Variants in NTRK3 observed in about 807,000 individuals in gnomAD.
The protein encoded by NTRK3 is neurotrophic receptor tyrosine kinase 3, also known as NT-3 growth factor receptor.
NTRK3 carries 24 observed loss-of-function variants against 91.7 expected under a neutral mutation model. That is an observed-to-expected ratio of 0.26 (90% CI 0.19 to 0.37). The LOEUF (loss-of-function observed/expected upper bound fraction) is 0.37. Ranked by LOEUF, NTRK3 falls within the 10% of genes least tolerant of loss-of-function variation. The probability of loss-of-function intolerance (pLI) is 1.00; values close to 1 mark genes in which losing one functional copy is unlikely to be tolerated. For missense variants in NTRK3, 880 were observed against 1,068.9 expected, an observed-to-expected ratio of 0.82 and a Z score of 2.46; for synonymous variants, 483 against 404.0, an observed-to-expected ratio of 1.20 and a Z score of -2.34.
chr15:87,925,922 AG>A (rs2068270630), intron 17 of NTRK3, among the ~76,000 whole-genome samples: 1 of 152,372 alleles, frequency 6.6e-6, no homozygotes, highest in Non-Finnish European at 1.5e-5. Context: ...GAGGGGGACT[AG>A]TAAGATAATA....
chr15:88,016,216 T>C (rs567924311), intron 14 of NTRK3, among the ~76,000 whole-genome samples: 1 of 152,320 alleles, frequency 6.6e-6, no homozygotes, highest in South Asian at 2.1e-4. Context: ...AAACAAATGT[T>C]AGGTGTTCTG....
chr15:87,995,041 A>C (rs1304830514), intron 14 of NTRK3, among the ~76,000 whole-genome samples: 2 of 152,252 alleles, frequency 1.3e-5, no homozygotes, highest in Non-Finnish European at 2.9e-5. Context: ...TTTCACATTA[A>C]TGTTAAAAAT....
At chr15:88,197,431 T>C (rs1463445749) in intron 3 of NTRK3, among the ~76,000 whole-genome samples, 1 of 152,162 alleles carries the variant, frequency 6.6e-6, no homozygotes, top group African/African-American at 2.4e-5. Flanking sequence ...ATGACATCGA[T>C]CATGTCCCCT....
At chr15:88,081,390 C>T (rs1870736) in intron 13 of NTRK3, among the ~76,000 whole-genome samples, 2 of 151,942 alleles carry the variant, frequency 1.3e-5, no homozygotes, top group Non-Finnish European at 2.9e-5. Flanking sequence ...TGCAAACTGC[C>T]GTCACATTTT....
intron 17 of NTRK3, among the ~76,000 whole-genome samples, chr15:87,900,019 G>A (rs1014550402): frequency 2.0e-5 from 3 of 152,158 alleles, no homozygotes; most frequent in Non-Finnish European, 4.4e-5. Flanking sequence ...CTAAAGGAAG[G>A]ATGCTTGCTG....
exon 19 of NTRK3, chr15:87,871,605 T>C (rs569253776): frequency 1.2e-4 from 28 of 229,802 alleles, no homozygotes; most frequent in African/African-American, 6.2e-4. Context: ...GTCAGCATAA[T>C]TTAGTTCAGA....
chr15:88,026,910 GGGGTAATAAGTGCCAACAGCCA>G (rs1450317003), intron 14 of NTRK3, among the ~76,000 whole-genome samples: 1 of 152,154 alleles, frequency 6.6e-6, no homozygotes, highest in Non-Finnish European at 1.5e-5. Flanking sequence ...AATTCAGAGA[GGGGTAATAAGTGCCAACAGCCA>G]GACCCAGGTT....
intron 14 of NTRK3, among the ~76,000 whole-genome samples, chr15:88,011,054 A>G (rs1002723761): frequency 6.6e-6 from 1 of 152,078 alleles, no homozygotes; most frequent in Non-Finnish European, 1.5e-5. Context: ...TTCCTGGTCC[A>G]TGGGTTGTTG....
At chr15:88,199,694 G>T (rs752316334) in intron 3 of NTRK3, among the ~76,000 whole-genome samples, 5 of 152,222 alleles carry the variant, frequency 3.3e-5, no homozygotes, top group Non-Finnish European at 7.3e-5. Context: ...GAAACCTCAA[G>T]GTCAAAGTGG....
intron 14 of NTRK3, among the ~76,000 whole-genome samples, chr15:87,957,197 T>A (rs1353263399): frequency 6.6e-6 from 1 of 152,016 alleles, no homozygotes; most frequent in African/African-American, 2.4e-5. Flanking sequence ...CGAGCCTGCC[T>A]CATACAATTG....
intron 3 of NTRK3, among the ~76,000 whole-genome samples, chr15:88,203,444 T>C (rs1201490617): frequency 1.3e-5 from 2 of 152,170 alleles, no homozygotes; most frequent in Non-Finnish European, 2.9e-5. Context: ...GTCTCTGCAT[T>C]TACCCCCCTA....
intron 13 of NTRK3, among the ~76,000 whole-genome samples, chr15:88,035,278 C>A (rs1392899451): frequency 1.3e-5 from 2 of 152,116 alleles, no homozygotes; most frequent in Non-Finnish European, 2.9e-5. Context: ...CAGGCGGGAA[C>A]AAGGTGCCCC....
chr15:88,221,008 C>G (rs547856220), intron 3 of NTRK3, among the ~76,000 whole-genome samples: 3 of 152,208 alleles, frequency 2.0e-5, no homozygotes, highest in African/African-American at 7.2e-5. Flanking sequence ...GCATTTTTAA[C>G]AAACTCTCCT....
At chr15:88,108,810 T>A (rs918805923) in intron 13 of NTRK3, among the ~76,000 whole-genome samples, 1 of 152,188 alleles carries the variant, frequency 6.6e-6, no homozygotes, top group African/African-American at 2.4e-5. Context: ...ATAAGGAGCT[T>A]GGCAGAAATG....
At chr15:88,059,687 G>A (rs1233280041) in intron 13 of NTRK3, among the ~76,000 whole-genome samples, 2 of 152,112 alleles carry the variant, frequency 1.3e-5, no homozygotes, top group East Asian at 1.9e-4. Flanking sequence ...AGCTATGGTC[G>A]GGGGATAAAG....
At chr15:88,184,162 G>T in intron 4 of NTRK3, 63 bp downstream of exon 4, 1 of 1,525,378 alleles carries the variant, frequency 6.6e-7, no homozygotes, top group Non-Finnish European at 9.0e-7. Context: ...ACCCCAGAAG[G>T]CAGACCAGGT....
intron 14 of NTRK3, among the ~76,000 whole-genome samples, chr15:88,024,401 C>G (rs1055705329): frequency 6.6e-6 from 1 of 152,176 alleles, no homozygotes; most frequent in Non-Finnish European, 1.5e-5. Flanking sequence ...TCTGCTCTAT[C>G]CCCAGGGCCT....
chr15:87,872,353 A>G (rs558690223), exon 19 of NTRK3: 2 of 223,950 alleles, frequency 8.9e-6, no homozygotes, highest in East Asian at 6.5e-5. Context: ...GTCATTAGTC[A>G]TTCCTGAATA....
At chr15:88,140,532 G>A (rs1037876427) in intron 6 of NTRK3, among the ~76,000 whole-genome samples, 9 of 152,122 alleles carry the variant, frequency 5.9e-5, no homozygotes, top group Non-Finnish European at 1.0e-4. Flanking sequence ...AACTACTGAC[G>A]GCCTCAAAGA....
Sources: allele counts gnomAD v4.1 joint callset (sites outside exome capture counted in the v4.1 genomes callset), GRCh38; gene constraint gnomAD v4.1.1; transcripts MANE v1.5; gene names NCBI Gene and HGNC (gene_info 2026-07-23, HGNC 2026-07-21).